The following PAK1 variants were observed in gnomAD, a reference collection of about 807,000 sequenced individuals.
PAK1 encodes p21 (RAC1) activated kinase 1, also known as serine/threonine-protein kinase PAK 1.
A neutral mutation model predicts 67.4 loss-of-function variants in PAK1; 29 were observed. The ratio of observed to expected loss-of-function variants is 0.43; its 90% CI spans 0.32 to 0.59. The LOEUF is 0.59. PAK1 is among the 20% of genes least tolerant of loss of function. The pLI is 0.07. For missense variants in PAK1, 337 were observed against 670.7 expected (o/e 0.50, Z 5.50); for synonymous variants, 223 against 237.4 (o/e 0.94, Z 0.56).
intron 1 of PAK1, among the ~76,000 whole-genome samples, chr11:77,393,227 A>G (rs1410258051): frequency 6.6e-6 from 1 of 151,476 alleles, no homozygotes. Context: ...CCCTGAGACT[A>G]TATAATCTCT....
chr11:77,334,901 A>C (rs896749101), intron 13 of PAK1, among the ~76,000 whole-genome samples: 1 of 152,128 alleles, frequency 6.6e-6, no homozygotes, highest in African/African-American at 2.4e-5. Flanking sequence ...TTAGACTTTC[A>C]TCCCCATCTC....
chr11:77,518,150 T>TA, the PAK1 span, among the ~76,000 whole-genome samples: 1 of 152,258 alleles, frequency 6.6e-6, no homozygotes, highest in Non-Finnish European at 1.5e-5. Flanking sequence ...TTCAATCTAG[T>TA]CTAAATTCCT....
chr11:77,529,673 C>T, the PAK1 span, among the ~76,000 whole-genome samples: 1 of 152,158 alleles, frequency 6.6e-6, no homozygotes, highest in South Asian at 2.1e-4. Flanking sequence ...GAGACACTCC[C>T]AGACTACAGA....
chr11:77,356,659 T>A (rs2888377), intron 6 of PAK1, among the ~76,000 whole-genome samples: 10,368 of 152,168 alleles, frequency 0.068, 805 homozygotes, highest in East Asian at 0.24. Flanking sequence ...CCAGCAGACA[T>A]TAAGCACTCA....
intron 8 of PAK1, among the ~76,000 whole-genome samples, chr11:77,351,307 TAA>T (rs755545914): frequency 1.0e-4 from 13 of 128,722 alleles, no homozygotes; most frequent in Non-Finnish European, 1.0e-4. Context: ...TATCAGTAAC[TAA>T]AAAAAAAAAA....
chr11:77,355,722 C>T lies in PAK1; in HGVS notation c.718G>A (p.Glu240Lys), dbSNP rs1945940458. ...ATTTTAGGCTTCTTCTTCTGCTTCT[C>T]AGTATTCCGGGTCAAAGCATCTGGT... ...TPPDALTRNT[E>K]KQKKKPKMSD... is the part of the protein sequence containing the mutation. The change falls in exon 7 of 15, where the codon GAG (glutamate) becomes AAG (lysine). Residue 240 changes from glutamate (E) to lysine (K), a missense_variant. Physicochemically the swap from Glu to Lys is moderately conservative, Grantham distance 56 (BLOSUM62 1). Transcript: ENST00000356341. The T allele has an allele frequency of 1.9e-6, 3 of 1,613,620 alleles. No individual in the cohort carries two copies. The highest frequency in any genetic ancestry group is 2.5e-6 in the Non-Finnish European group (3 of 1,179,564).
At chr11:77,392,231 A>T in intron 2 of PAK1, 100 bp downstream of exon 2, 1 of 860,608 alleles carries the variant, frequency 1.2e-6, no homozygotes, top group Non-Finnish European at 1.7e-6. Flanking sequence ...AGAAAACATT[A>T]AAGGAAAATT....
At chr11:77,389,252 C>T (rs1361729609) in intron 2 of PAK1, among the ~76,000 whole-genome samples, 1 of 152,164 alleles carries the variant, frequency 6.6e-6, no homozygotes, top group African/African-American at 2.4e-5. Flanking sequence ...TGTCATGGCA[C>T]GGATCAGAAC....
chr11:77,379,282 G>A lies in PAK1; in HGVS notation c.398C>T (p.Ser133Leu), dbSNP rs1196615739. The A allele has an allele frequency of 4.3e-6, 7 of 1,613,454 alleles. No individual in the cohort carries two copies. The highest frequency in any genetic ancestry group is 2.2e-5 in the South Asian group (2 of 91,022). Residue 133 changes from serine (S) to leucine (L), a missense_variant, in exon 4 of 15, where the codon TCG becomes TTG. Physicochemically the swap from Ser to Leu is moderately radical, Grantham distance 145. This residue lies in a region of PAK1 where 43 missense variants were observed against 141.5 expected (regional missense o/e 0.30). Coordinates refer to ENST00000356341, the MANE Select transcript of PAK1 (RefSeq NM_002576.5). ...AVLDVLEFYNSKKTSNSQKYM... is the reference protein window; with the variant it reads ...AVLDVLEFYNLKKTSNSQKYM... ...TTTCTGGCTGTTGGATGTCTTCTTC[G>A]AGTTGTAAAACTCCAACACATCCAG...
chr11:77,412,425 C>CATG (rs1954665999), intron 1 of PAK1, among the ~76,000 whole-genome samples: 2 of 151,784 alleles, frequency 1.3e-5, no homozygotes, highest in Non-Finnish European at 2.9e-5. Context: ...GCAGCTGCTA[C>CATG]ATTATTATTA....
At position 77,473,760 on chromosome 11, in the gene PAK1, G is replaced by A. The variant is rs1165926272; in HGVS notation, c.-230C>T. The stretch of plus-strand genomic sequence containing the variant: ...ATGGGGGGGCGGGAGGGAGCGAGGC[G>A]ACGCGGGCGGGGGGGGAAGGGGGGA... On this transcript the variant is annotated 5_prime_UTR_variant, in exon 1 of 15. Transcript: ENST00000356341. The A allele has an allele frequency of 1.6e-4, 24 of 146,400 alleles. No individual in the cohort carries two copies. Among genetic ancestry groups the A allele is most frequent in the Non-Finnish European group, 3.0e-5 (2 of 66,030 alleles). The allele number at this position is 146,400 out of a possible 1,614,324, so 9.1% of individuals were successfully genotyped here. A position where few individuals can be genotyped will look rare whatever the true frequency, so the allele number is the denominator to read the frequency against.
chr11:77,328,335 C>T (rs1187274167), intron 14 of PAK1, among the ~76,000 whole-genome samples: 1 of 152,116 alleles, frequency 6.6e-6, no homozygotes, highest in Non-Finnish European at 1.5e-5. Flanking sequence ...AATATACATT[C>T]TTTTCAGCAC....
intron 1 of PAK1, among the ~76,000 whole-genome samples, chr11:77,444,578 C>T (rs1223327235): frequency 6.6e-6 from 1 of 152,072 alleles, no homozygotes; most frequent in Non-Finnish European, 1.5e-5. Flanking sequence ...TTGTGAATGG[C>T]CATGTAAGTT....
At chr11:77,465,376 G>A (rs1282699117) in intron 1 of PAK1, among the ~76,000 whole-genome samples, 1 of 152,026 alleles carries the variant, frequency 6.6e-6, no homozygotes, top group Non-Finnish European at 1.5e-5. Flanking sequence ...ACAGAATTAA[G>A]TTAAATGAGA....
At chr11:77,471,762 T>A (rs1160395121) in intron 1 of PAK1, among the ~76,000 whole-genome samples, 2 of 152,224 alleles carry the variant, frequency 1.3e-5, no homozygotes, top group Non-Finnish European at 2.9e-5. Flanking sequence ...TTTACAGAAA[T>A]CTTTCTGGAT....
chr11:77,438,367 A>C lies in PAK1; in HGVS notation c.-22+35185T>G, dbSNP rs1392034047. ...CCCATGATCCAACCACCTCTCACCAAGCCCCACCTCCAACATTAGGGATTA... is the reference window on the plus strand; with the variant it reads ...CCCATGATCCAACCACCTCTCACCACGCCCCACCTCCAACATTAGGGATTA... On this transcript the variant is annotated intron_variant, in intron 1 of 14. Transcript: ENST00000356341. Among the ~76,000 whole-genome samples the C allele has an allele frequency of 2.6e-5, 4 of 152,128 alleles. No homozygotes were observed. The East Asian group carries it at 7.7e-4, about 29-fold the overall frequency.
rs115235521 is a variant in PAK1, at chr11:77,343,977, T to G, written c.886-46A>C. On this transcript the variant is annotated intron_variant, in intron 9 of 14. Transcript: ENST00000356341. ...AATGTGCAACCATAGTCATTCCCAT[T>G]TATTGAGCACCTGCTAAGTACCAGA... The G allele has an allele frequency of 1.2e-4, 151 of 1,255,818 alleles. No homozygotes were observed. In the African/African-American group the frequency reaches 2.0e-3, roughly 17 times the overall value. 77.8% of individuals were successfully genotyped at this position (1,255,818 alleles called of 1,614,324 possible). A position where few individuals can be genotyped will look rare whatever the true frequency, so the allele number is the denominator to read the frequency against.
chr11:77,333,517 C>A (rs1243408106), intron 13 of PAK1, among the ~76,000 whole-genome samples: 2 of 152,088 alleles, frequency 1.3e-5, no homozygotes, highest in Non-Finnish European at 2.9e-5. Flanking sequence ...TTCTTGCTTA[C>A]ACATCTGAAG....
At chr11:77,399,846 G>C (rs1486064411) in intron 1 of PAK1, among the ~76,000 whole-genome samples, 55 of 80,856 alleles carry the variant, frequency 6.8e-4, no homozygotes, top group Non-Finnish European at 9.7e-4. Flanking sequence ...GCGACAGAGC[G>C]AGACTCCGTC....
Sources: allele counts gnomAD v4.1 joint callset (sites outside exome capture counted in the v4.1 genomes callset), GRCh38; gene constraint gnomAD v4.1.1; regional missense constraint gnomAD v4.1.1; transcripts MANE v1.5; gene names NCBI Gene and HGNC (gene_info 2026-07-23, HGNC 2026-07-21).